Variants in METTL4 observed in about 807,000 individuals in gnomAD.
METTL4 encodes the protein methyltransferase 4, N6-adenosine, also known as N(6)-adenine-specific methyltransferase METTL4.
A neutral mutation model predicts 54.0 loss-of-function variants in METTL4; 40 were observed. The ratio of observed to expected loss-of-function variants is 0.74; its 90% confidence interval spans 0.58 to 0.96. METTL4 has a LOEUF of 0.96. Ranked by LOEUF, METTL4 falls within the 50% of genes least tolerant of loss-of-function variation. The pLI, the probability that METTL4 is intolerant of heterozygous loss-of-function variation, is 0.00. For missense variants in METTL4, 525 were observed against 549.0 expected (o/e 0.96, Z 0.44); for synonymous variants, 169 against 183.8 (o/e 0.92, Z 0.65).
chr18:2,539,754 T>C (rs2071967093), intron 8 of METTL4: 7 of 853,736 alleles, frequency 8.2e-6, no homozygotes, highest in Non-Finnish European at 9.8e-6. Flanking sequence ...AGTGCTAGGA[T>C]TACAGGCAGG....
chr18:2,542,272 T>C (rs2072002868), intron 8 of METTL4, among the ~76,000 whole-genome samples: 1 of 151,876 alleles, frequency 6.6e-6, no homozygotes, highest in Non-Finnish European at 1.5e-5. Context: ...TAGTTACATA[T>C]GTATACATGT....
At chr18:2,563,348 T>G (rs564995736) in intron 3 of METTL4, among the ~76,000 whole-genome samples, 1 of 152,256 alleles carries the variant, frequency 6.6e-6, no homozygotes, top group South Asian at 2.1e-4. Context: ...ATCCTAGCAC[T>G]TTGGGAGGCT....
intron 3 of METTL4, among the ~76,000 whole-genome samples, chr18:2,560,269 A>G (rs1337812738): frequency 6.6e-6 from 1 of 152,200 alleles, no homozygotes; most frequent in African/African-American, 2.4e-5. Flanking sequence ...AAAAAAGAAA[A>G]GAGGAAAAAA....
At chr18:2,539,614 T>G (rs1318099990) in intron 8 of METTL4, among the ~76,000 whole-genome samples, 2 of 151,720 alleles carry the variant, frequency 1.3e-5, no homozygotes, top group Admixed American at 6.6e-5. Context: ...CCCAAGTAGC[T>G]GGGATTACAG....
rs397758263 is a variant in METTL4, at chr18:2,549,819, T to TAAA, written c.900-2293_900-2291dup. ...CAACATAGTGAAACCCCATCTCTAC[T>TAAA]AAAAAAAAAAAAAAAAAAAAAAAAA... On this transcript the variant is annotated intron_variant, in intron 5 of 8. Coordinates refer to ENST00000574538, the MANE Select transcript of METTL4 (RefSeq NM_022840.5). Among the ~76,000 whole-genome samples, 648 of 79,018 alleles carry TAAA rather than the reference T, an allele frequency of 8.2e-3. 17 individuals carry two copies. The highest frequency in any genetic ancestry group is 0.039 in the South Asian group (69 of 1,782). The allele number at this position is 79,018 out of a possible 152,430, so 51.8% of individuals were successfully genotyped here.
chr18:2,552,047 G>A (rs1038702655), intron 5 of METTL4, among the ~76,000 whole-genome samples: 2 of 152,072 alleles, frequency 1.3e-5, no homozygotes, highest in Non-Finnish European at 2.9e-5. Context: ...ACAAAAATTA[G>A]CCGGGCATGG....
In METTL4 at chr18:2,544,217, G is replaced by C. The variant is rs1399159697; in HGVS notation, c.1251C>G (p.His417Gln). The change falls in exon 8 of 9, where the codon CAC (histidine) becomes CAG (glutamine). Residue 417 changes from histidine to glutamine, a missense_variant. Transcript: ENST00000574538. ...TACCAGCAAGCGGTGGCTTATGTGA[G>C]TGAAGAGTACAGGGCACGCTGACAA... ...KLIVSVPCTLHSHKPPLAEVL... is the reference protein window; with the variant it reads ...KLIVSVPCTLQSHKPPLAEVL... The C allele has an allele frequency of 3.1e-6, 5 of 1,610,346 alleles. No homozygotes were observed. Among genetic ancestry groups the C allele is most frequent in the South Asian group, 1.1e-5 (1 of 90,102 alleles).
rs2071942045 is a variant in METTL4 at position 2,538,443 on chromosome 18, T to A, written c.*557A>T. On this transcript the variant is annotated 3_prime_UTR_variant, in exon 9 of 9. Transcript: ENST00000574538. ...ACAAGGGCCAAGTGGATGACATAAG[T>A]GAGCAGCATGGTGGCAGTGGTACTG... is the stretch of plus-strand genomic sequence containing the variant. 1 of 153,008 alleles carries A rather than the reference T, an allele frequency of 6.5e-6. No individual in the cohort carries two copies. The highest frequency in any genetic ancestry group is 6.5e-5 in the Admixed American group (1 of 15,314). The allele number at this position is 153,008 out of a possible 1,614,324, so 9.5% of individuals were successfully genotyped here. A position where few individuals can be genotyped will look rare whatever the true frequency, so the allele number is the denominator to read the frequency against.
chr18:2,541,619 T>C (rs1173009338), intron 8 of METTL4, among the ~76,000 whole-genome samples: 1 of 152,194 alleles, frequency 6.6e-6, no homozygotes, highest in South Asian at 2.1e-4. Context: ...TTGTAAACCA[T>C]AGCTATTGAT....
intron 8 of METTL4, chr18:2,540,306 G>GA: frequency 1.0e-6 from 1 of 984,320 alleles, no homozygotes; most frequent in Non-Finnish European, 1.2e-6. Flanking sequence ...ATTCAGATAA[G>GA]AAAAATCACT....
chr18:2,539,485 T>TA (rs1260702129), intron 8 of METTL4, among the ~76,000 whole-genome samples: 1 of 114,486 alleles, frequency 8.7e-6, no homozygotes, highest in Non-Finnish European at 1.9e-5. Context: ...TTATTTAATT[T>TA]TTTTTTTTTT....
At chr18:2,563,404 C>A (rs1258739777) in intron 3 of METTL4, among the ~76,000 whole-genome samples, 4 of 151,952 alleles carry the variant, frequency 2.6e-5, no homozygotes, top group Non-Finnish European at 5.9e-5. Context: ...ACCAGCCTGG[C>A]CAACATGGTG....
At chr18:2,544,023 T>C (rs2072032507) in intron 8 of METTL4, among the ~76,000 whole-genome samples, 172 bp downstream of exon 8, 1 of 152,216 alleles carries the variant, frequency 6.6e-6, no homozygotes, top group African/African-American at 2.4e-5. Context: ...CTATTCTCTA[T>C]TTCATAGAGA....
At chr18:2,553,289 C>T (rs375247064) in intron 4 of METTL4, 2 of 152,146 alleles carry the variant, frequency 1.3e-5, no homozygotes, top group Admixed American at 6.5e-5. Context: ...GGTCTTTCTT[C>T]GTCTTTCATG....
chr18:2,541,112 T>C (rs1469770146), intron 8 of METTL4, among the ~76,000 whole-genome samples: 1 of 152,184 alleles, frequency 6.6e-6, no homozygotes, highest in African/African-American at 2.4e-5. Flanking sequence ...TCCTTTCTAG[T>C]TAAGAAAAAC....
In METTL4 at chr18:2,567,825, C is replaced by T. The variant is rs144530807; in HGVS notation, c.-438-171G>A. Among the ~76,000 whole-genome samples, 727 of 152,296 alleles carry T rather than the reference C, an allele frequency of 4.8e-3. 7 individuals carry two copies. The highest frequency in any genetic ancestry group is 0.017 in the African/African-American group (689 of 41,554). On this transcript the variant is annotated intron_variant, in intron 1 of 8. Coordinates refer to ENST00000574538, the MANE Select transcript of METTL4 (RefSeq NM_022840.5). ...CAGCCCATTCTCCAGTATCATCTTC[C>T]CTACTTAATCACTACTACCAATGGA... is the stretch of plus-strand genomic sequence containing the variant.
At chr18:2,561,921 A>G (rs1003177929) in intron 3 of METTL4, 6 of 152,306 alleles carry the variant, frequency 3.9e-5, no homozygotes, top group Admixed American at 3.9e-4. Flanking sequence ...TTTCCAGAAA[A>G]TAAGTGTATT....
chr18:2,539,825 TAA>T, intron 8 of METTL4: 1 of 887,254 alleles, frequency 1.1e-6, no homozygotes, highest in Non-Finnish European at 1.3e-6. Flanking sequence ...AAAAGAGCTC[TAA>T]AAAAAATTGA....
rs546322504 is a variant in METTL4, at chr18:2,537,665, A to G, written c.*1335T>C. On this transcript the variant is annotated 3_prime_UTR_variant, in exon 9 of 9. Transcript: ENST00000574538. ...GATGAACAAACTTCAAAAATAACAT[A>G]TTTTTCTTTGACAAAATCAGTAAAT... 2.6e-6 allele frequency: 1 copy of G among 387,918 alleles called. No homozygotes were observed. The highest frequency in any genetic ancestry group is 2.1e-5 in the African/African-American group (1 of 48,536). 24.0% of individuals were successfully genotyped at this position (387,918 alleles called of 1,614,324 possible). A position where few individuals can be genotyped will look rare whatever the true frequency, so the allele number is the denominator to read the frequency against.
Sources: gnomAD v4.1 joint callset for allele counts (sites outside exome capture counted in the v4.1 genomes callset) on GRCh38, gnomAD v4.1.1 for gene constraint, MANE v1.5 for transcripts, NCBI Gene and HGNC (gene_info 2026-07-23, HGNC 2026-07-21) for gene names.